The following GLRA1 variants were observed in gnomAD, a reference collection of about 807,000 sequenced individuals.
GLRA1 encodes glycine receptor alpha 1, also known as glycine receptor subunit alpha-1.
In GLRA1, 37 loss-of-function variants were observed where a neutral mutation model predicts 48.3. The ratio of observed to expected loss-of-function variants is 0.77; its 90% confidence interval spans 0.59 to 1.01. The LOEUF (loss-of-function observed/expected upper bound fraction) is 1.01, where lower values mean the gene tolerates loss of function less well. Ranked by LOEUF, GLRA1 falls within the 50% of genes least tolerant of loss-of-function variation. The pLI, the probability that GLRA1 is intolerant of heterozygous loss-of-function variation, is 0.00. For synonymous variants in GLRA1, 196 were observed against 210.7 expected (o/e 0.93, Z 0.60); for missense variants, 427 against 571.0 (o/e 0.75, Z 2.57).
At chr5:151,918,409 T>C (rs1292611304) in intron 1 of GLRA1, among the ~76,000 whole-genome samples, 1 of 152,178 alleles carries the variant, frequency 6.6e-6, no homozygotes, top group Non-Finnish European at 1.5e-5. Context: ...TCTGGTAGTT[T>C]TTTTCTGGCT....
In GLRA1 at chr5:151,917,954, T is replaced by C. The variant is rs546157152; in HGVS notation, c.56+6540A>G. Among the ~76,000 whole-genome samples the C allele has an allele frequency of 2.0e-5, 3 of 152,362 alleles. No individual in the cohort carries two copies. The South Asian group carries it at 6.2e-4, about 32-fold the overall frequency. On this transcript the variant is annotated intron_variant, in intron 1 of 8. Coordinates refer to ENST00000274576, the MANE Select transcript of GLRA1 (RefSeq NM_000171.4). Reference sequence around the variant, plus strand: ...CCATTTCATGGCTGGGATTAATGATTGTCGGCAGCTCCCTGTTAAGATGGT... The same window carrying C: ...CCATTTCATGGCTGGGATTAATGATCGTCGGCAGCTCCCTGTTAAGATGGT...
At position 151,881,361 on chromosome 5, in the gene GLRA1, C is replaced by T. The variant is rs375025519; in HGVS notation, c.252+5360G>A. 2.6e-5 allele frequency among the ~76,000 whole-genome samples: 4 copies of T among 151,064 alleles called. No individual in the cohort carries two copies. In the East Asian group the frequency reaches 7.8e-4, roughly 29 times the overall value. On this transcript the variant is annotated intron_variant, in intron 3 of 8. Coordinates refer to ENST00000274576, the MANE Select transcript of GLRA1 (RefSeq NM_000171.4). ...TTGAGACAGAGCCTCACCCTGTTGCCCAGTCTTGAGTGCAGTGGCATGATC... is the reference window on the plus strand; with the variant it reads ...TTGAGACAGAGCCTCACCCTGTTGCTCAGTCTTGAGTGCAGTGGCATGATC...
At chr5:151,917,067 T>C (rs1208991385) in intron 1 of GLRA1, among the ~76,000 whole-genome samples, 1 of 152,366 alleles carries the variant, frequency 6.6e-6, no homozygotes, top group East Asian at 1.9e-4. Context: ...TTGAGAGCTC[T>C]GTCACCCACT....
At chr5:151,902,595 CATTTT>C (rs1754390522) in intron 1 of GLRA1, among the ~76,000 whole-genome samples, 1 of 152,072 alleles carries the variant, frequency 6.6e-6, no homozygotes, top group Non-Finnish European at 1.5e-5. Flanking sequence ...CTGATAATCT[CATTTT>C]AGATAGCATT....
intron 1 of GLRA1, among the ~76,000 whole-genome samples, chr5:151,904,756 G>A (rs1298921873): frequency 1.3e-5 from 2 of 152,164 alleles, no homozygotes; most frequent in South Asian, 2.1e-4. Context: ...TAAGGAATAA[G>A]CATTCTTTTA....
intron 1 of GLRA1, 42 bp downstream of exon 1, chr5:151,924,452 C>A: frequency 2.4e-6 from 3 of 1,226,504 alleles, no homozygotes; most frequent in Non-Finnish European, 2.4e-6. Context: ...CTCTTTCCCC[C>A]CATTTCCATC....
intron 7 of GLRA1, chr5:151,850,478 G>A (rs1752870442): frequency 5.8e-6 from 6 of 1,036,964 alleles, no homozygotes; most frequent in Non-Finnish European, 9.2e-6. Context: ...ATGGTCTGAA[G>A]TACACTGAGG....
chr5:151,884,358 G>T (rs2113402637), intron 3 of GLRA1, among the ~76,000 whole-genome samples: 1 of 152,258 alleles, frequency 6.6e-6, no homozygotes, highest in East Asian at 1.9e-4. Context: ...GAACCCAGGA[G>T]GCAGAGTTTG....
intron 1 of GLRA1, among the ~76,000 whole-genome samples, chr5:151,920,826 A>G (rs1374605822): frequency 6.6e-6 from 1 of 152,164 alleles, no homozygotes; most frequent in Non-Finnish European, 1.5e-5. Flanking sequence ...GGTGGAGTAC[A>G]GCTCTCCTTC....
chr5:151,912,262 G>GTTTT lies in GLRA1; in HGVS notation c.56+12228_56+12231dup, dbSNP rs370730368. Reference sequence around the variant, plus strand: ...CTCTTATTTGGCTCCTGTGAAGACTGTTTTTTTTTTTTTTTTTTCTACTAG... The same window carrying GTTTT: ...CTCTTATTTGGCTCCTGTGAAGACTGTTTTTTTTTTTTTTTTTTTTTTCTACTAG... On this transcript the variant is annotated intron_variant, in intron 1 of 8. Transcript: ENST00000274576. Among the ~76,000 whole-genome samples, 133 of 121,570 alleles carry GTTTT rather than the reference G, an allele frequency of 1.1e-3. 5 individuals are homozygous for GTTTT. In the East Asian group the frequency reaches 0.022, roughly 21 times the overall value. The allele number at this position is 121,570 out of a possible 152,430, so 79.8% of individuals were successfully genotyped here. A position where few individuals can be genotyped will look rare whatever the true frequency, so the allele number is the denominator to read the frequency against.
chr5:151,844,163 A>G (rs915615989), intron 7 of GLRA1, among the ~76,000 whole-genome samples: 15 of 125,026 alleles, frequency 1.2e-4, no homozygotes, highest in African/African-American at 3.4e-4. Flanking sequence ...GAGTGAGACT[A>G]TGTCTTAAAA....
intron 1 of GLRA1, among the ~76,000 whole-genome samples, chr5:151,909,371 A>G (rs773947091): frequency 6.6e-6 from 1 of 152,190 alleles, no homozygotes; most frequent in Non-Finnish European, 1.5e-5. Flanking sequence ...ATTGCAGCCC[A>G]TGGTCATGAC....
chr5:151,890,085 G>C (rs771229735), intron 2 of GLRA1, among the ~76,000 whole-genome samples: 68 of 152,152 alleles, frequency 4.5e-4, no homozygotes, highest in Non-Finnish European at 3.4e-4. Context: ...GCCCACTGCT[G>C]AGTAAGTAAA....
chr5:151,879,365 A>AT (rs1202450472), intron 3 of GLRA1, among the ~76,000 whole-genome samples: 3 of 145,590 alleles, frequency 2.1e-5, no homozygotes, highest in Non-Finnish European at 3.0e-5. Context: ...TTATTTACGT[A>AT]TTTTTTTAAG....
chr5:151,884,508 A>T (rs1487478685), intron 3 of GLRA1, among the ~76,000 whole-genome samples: 1 of 152,222 alleles, frequency 6.6e-6, no homozygotes, highest in Non-Finnish European at 1.5e-5. Context: ...TCAGTATGTT[A>T]ATTACCATTG....
At chr5:151,854,970 G>T in intron 6 of GLRA1, 70 bp downstream of exon 6, 1 of 1,463,682 alleles carries the variant, frequency 6.8e-7, no homozygotes, top group Non-Finnish European at 9.6e-7. Context: ...ATCAATGATT[G>T]AATGTGTCTG....
chr5:151,823,444 G>A (rs762917804), intron 8 of GLRA1, among the ~76,000 whole-genome samples: 3 of 152,176 alleles, frequency 2.0e-5, no homozygotes, highest in Admixed American at 6.5e-5. Flanking sequence ...CCCCTGCTTT[G>A]CCTCTGTTGC....
At chr5:151,910,555 T>C (rs1754583929) in intron 1 of GLRA1, among the ~76,000 whole-genome samples, 2 of 152,236 alleles carry the variant, frequency 1.3e-5, no homozygotes, top group South Asian at 4.1e-4. Context: ...CTCCTCGTAA[T>C]CATTCATCCT....
At chr5:151,853,227 G>C (rs2113346456) in intron 6 of GLRA1, among the ~76,000 whole-genome samples, 1 of 152,076 alleles carries the variant, frequency 6.6e-6, no homozygotes, top group African/African-American at 2.4e-5. Context: ...TTTGCTAAGA[G>C]GATAGATCTC....
Sources: gnomAD v4.1 joint callset for allele counts (sites outside exome capture counted in the v4.1 genomes callset) on GRCh38, gnomAD v4.1.1 for gene constraint, MANE v1.5 for transcripts, NCBI Gene and HGNC (gene_info 2026-07-23, HGNC 2026-07-21) for gene names.